Variants in N4BP1 observed in about 807,000 individuals in gnomAD.
N4BP1 encodes NEDD4 binding protein 1.
N4BP1 carries 21 observed loss-of-function variants against 70.9 expected under a neutral mutation model. The ratio of observed to expected loss-of-function variants is 0.30; its 90% confidence interval spans 0.21 to 0.43. N4BP1 has a LOEUF of 0.43. Ranked by LOEUF, N4BP1 falls within the 20% of genes least tolerant of loss-of-function variation. The probability of loss-of-function intolerance (pLI) is 1.00; values close to 1 mark genes in which losing one functional copy is unlikely to be tolerated. For missense variants in N4BP1, 936 were observed against 1,069.4 expected (o/e 0.88, Z 1.74); for synonymous variants, 387 against 394.6 (o/e 0.98, Z 0.23).
chr16:48,591,261 G>A (rs993435477), intron 1 of N4BP1, among the ~76,000 whole-genome samples: 2 of 152,136 alleles, frequency 1.3e-5, no homozygotes, highest in Admixed American at 1.3e-4. Context: ...ATTCCTTTCT[G>A]GTTTGTTACT....
Position 48,544,099 on chromosome 16 carries a change from A to C in N4BP1, c.2334-838T>G, listed in dbSNP as rs142681903. On this transcript the variant is annotated intron_variant, in intron 6 of 6. Transcript: ENST00000262384. The stretch of plus-strand genomic sequence containing the variant: ...AGCCCAGCAGGGGATTTCCAAGTTC[A>C]GATGTGGGGAAGCAAAATGAGATGG... Among the ~76,000 whole-genome samples the C allele has an allele frequency of 4.5e-3, 682 of 152,318 alleles. 7 individuals carry two copies. The highest frequency in any genetic ancestry group is 0.016 in the African/African-American group (658 of 41,578).
intron 2 of N4BP1, 38 bp from the exon 3 acceptor site, chr16:48,553,707 T>C: frequency 6.7e-7 from 1 of 1,488,516 alleles, no homozygotes; most frequent in Non-Finnish European, 9.0e-7. Context: ...GTAAAGTTTA[T>C]TTCTGTTTAA....
Position 48,562,075 on chromosome 16 carries a change from T to A in N4BP1, c.568A>T (p.Thr190Ser). The A allele has an allele frequency of 6.2e-7, 1 of 1,613,848 alleles. No homozygotes were observed. Among genetic ancestry groups the A allele is most frequent in the East Asian group, 2.2e-5 (1 of 44,888 alleles). ...TCAAAGAGATTCTCCTCACCTTGTG[T>A]GAGTGTCAAAAGTTCTTTTTTCAAG... Reference protein sequence around the residue: ...TSLKKELLTLTQGEENLFETG... With the variant: ...TSLKKELLTLSQGEENLFETG... Residue 190 changes from threonine to serine, a missense_variant, in exon 2 of 7, where the codon ACA (threonine) becomes TCA (serine). By Grantham distance (58) the Thr-to-Ser change is moderately conservative. Coordinates refer to ENST00000262384, the MANE Select transcript of N4BP1 (RefSeq NM_153029.4).
intron 1 of N4BP1, among the ~76,000 whole-genome samples, chr16:48,564,238 G>A (rs1963905108): frequency 6.6e-6 from 1 of 152,072 alleles, no homozygotes. Context: ...AAGGAAGTTC[G>A]GTTTTTAGAT....
Position 48,543,228 on chromosome 16 carries a change from A to G in N4BP1, c.2367T>C (p.Asn789=). The G allele has an allele frequency of 6.4e-7, 1 of 1,550,422 alleles. No homozygotes were observed. Among genetic ancestry groups the G allele is most frequent in the Non-Finnish European group, 8.7e-7 (1 of 1,146,822 alleles). The change falls in exon 7 of 7, where the codon AAT becomes AAC. Residue 789 remains asparagine (N), a synonymous_variant. Transcript: ENST00000262384. ...DMQPLLSALP[N]VGMFDPSFRV... ...TGAAGCTGGGGTCAAACATGCCCAC[A>G]TTTGGCAGGGCACTGAGTAGGGGCT...
At chr16:48,554,173 T>TAA (rs10710139) in intron 2 of N4BP1, among the ~76,000 whole-genome samples, 29 of 140,722 alleles carry the variant, frequency 2.1e-4, no homozygotes, top group Non-Finnish European at 3.8e-4. Flanking sequence ...GGAAAAAAGG[T>TAA]AAAAAAAAAA....
chr16:48,558,115 G>A (rs1177622679), intron 2 of N4BP1, among the ~76,000 whole-genome samples: 1 of 152,060 alleles, frequency 6.6e-6, no homozygotes, highest in African/African-American at 2.4e-5. Flanking sequence ...CCATTACGCA[G>A]TTTCTTCCTA....
At chr16:48,606,961 T>A (rs567628386) in intron 1 of N4BP1, among the ~76,000 whole-genome samples, 1 of 152,216 alleles carries the variant, frequency 6.6e-6, no homozygotes, top group South Asian at 2.1e-4. Context: ...GTTTTTAAAA[T>A]CAAAATAATG....
chr16:48,559,925 T>TA, intron 2 of N4BP1, among the ~76,000 whole-genome samples: 1 of 152,302 alleles, frequency 6.6e-6, no homozygotes, highest in East Asian at 1.9e-4. Context: ...AGACTTTACA[T>TA]AGTTGTTGAA....
At chr16:48,591,897 T>C (rs1964345340) in intron 1 of N4BP1, among the ~76,000 whole-genome samples, 1 of 127,532 alleles carries the variant, frequency 7.8e-6, no homozygotes, top group Admixed American at 8.0e-5. Flanking sequence ...TTTTTTTTTT[T>C]TTCCAAGTTT....
At position 48,553,585 on chromosome 16, in the gene N4BP1, A is replaced by G. The variant is rs762910694; in HGVS notation, c.1974T>C (p.Thr658=). 3.4e-5 allele frequency: 54 copies of G among 1,608,564 alleles called. No individual in the cohort carries two copies. The highest frequency in any genetic ancestry group is 2.6e-4 in the South Asian group (23 of 89,254). Residue 658 remains threonine (T), a synonymous_variant, in exon 3 of 7, where the codon ACT becomes ACC. Coordinates refer to ENST00000262384, the MANE Select transcript of N4BP1 (RefSeq NM_153029.4). ...YFWKLGNRNI[T]VFVPQWRTRR... is the part of the protein sequence containing the mutation. The stretch of plus-strand genomic sequence containing the variant: ...TTGTTCTCCACTGAGGGACAAATAC[A>G]GTGATGTTTCTGTTGCCAAGCTTCC...
intron 3 of N4BP1, among the ~76,000 whole-genome samples, chr16:48,552,881 G>C (rs1384932370): frequency 6.6e-6 from 1 of 152,006 alleles, no homozygotes; most frequent in Admixed American, 6.6e-5. Context: ...GACCATTTCT[G>C]CCCCACTAGT....
At position 48,575,285 on chromosome 16, in the gene N4BP1, T is replaced by C. The variant is rs572389112; in HGVS notation, c.199-12841A>G. Among the ~76,000 whole-genome samples, 144 of 152,372 alleles carry C rather than the reference T, an allele frequency of 9.5e-4. 1 individual carries two copies. Among genetic ancestry groups the C allele is most frequent in the Non-Finnish European group, 1.7e-3 (115 of 68,040 alleles). Reference sequence around the variant, plus strand: ...ATTTGAATTGGCTGTACTTGGTATCTGGACATTTTTAATGTTAGTTAAAAA... The same window carrying C: ...ATTTGAATTGGCTGTACTTGGTATCCGGACATTTTTAATGTTAGTTAAAAA... On this transcript the variant is annotated intron_variant, in intron 1 of 6. Transcript: ENST00000262384.
chr16:48,554,755 C>T (rs1165241085), intron 2 of N4BP1, among the ~76,000 whole-genome samples: 2 of 152,222 alleles, frequency 1.3e-5, no homozygotes, highest in African/African-American at 2.4e-5. Flanking sequence ...ACTTGAAAGT[C>T]CTGCCATGAT....
intron 2 of N4BP1, among the ~76,000 whole-genome samples, chr16:48,557,895 G>A (rs1163858027): frequency 6.6e-6 from 1 of 152,128 alleles, no homozygotes; most frequent in Admixed American, 6.6e-5. Context: ...GTTTCTTCAT[G>A]GAATCTAGTC....
chr16:48,570,515 G>GT (rs1333852738), intron 1 of N4BP1, among the ~76,000 whole-genome samples: 1 of 152,074 alleles, frequency 6.6e-6, no homozygotes, highest in Non-Finnish European at 1.5e-5. Flanking sequence ...CCCAGCTAAT[G>GT]TTTTGTATTT....
At chr16:48,588,213 G>A (rs902337144) in intron 1 of N4BP1, among the ~76,000 whole-genome samples, 4 of 151,158 alleles carry the variant, frequency 2.6e-5, no homozygotes, top group South Asian at 2.1e-4. Flanking sequence ...AGAAGGGGAC[G>A]CAATGAACAA....
At chr16:48,553,697 G>T (rs1963708604) in intron 2 of N4BP1, 28 bp from the exon 3 acceptor site, 2 of 1,514,946 alleles carry the variant, frequency 1.3e-6, no homozygotes, top group Middle Eastern at 1.7e-4. Context: ...AAGAAAATAA[G>T]TAAAGTTTAT....
At chr16:48,606,595 A>T (rs573470966) in intron 1 of N4BP1, among the ~76,000 whole-genome samples, 2 of 152,252 alleles carry the variant, frequency 1.3e-5, no homozygotes, top group African/African-American at 4.8e-5. Context: ...CTTTAACAAA[A>T]GTGGTCACTG....
Sources: gnomAD v4.1 joint callset for allele counts (sites outside exome capture counted in the v4.1 genomes callset) on GRCh38, gnomAD v4.1.1 for gene constraint, MANE v1.5 for transcripts, NCBI Gene and HGNC (gene_info 2026-07-23, HGNC 2026-07-21) for gene names.